The following RNFT1 variants were observed in gnomAD, a reference collection of about 807,000 sequenced individuals.
The protein encoded by RNFT1 is ring finger protein, transmembrane 1, also known as E3 ubiquitin-protein ligase RNFT1.
A neutral mutation model predicts 53.2 loss-of-function variants in RNFT1; 35 were observed. The observed-to-expected ratio is 0.66, with a 90% confidence interval of 0.50 to 0.87. The LOEUF is 0.87. Ranked by LOEUF, RNFT1 falls within the 40% of genes least tolerant of loss-of-function variation. The pLI, the probability that RNFT1 is intolerant of heterozygous loss-of-function variation, is 0.00. For synonymous variants in RNFT1, 141 were observed against 172.8 expected (o/e 0.82, Z 1.44); for missense variants, 421 against 515.0 (o/e 0.82, Z 1.77).
chr17:59,963,102 T>C lies in RNFT1; in HGVS notation c.239A>G (p.His80Arg). 1 of 1,614,238 alleles carries C rather than the reference T, an allele frequency of 6.2e-7. No individual in the cohort carries two copies. The change falls in exon 2 of 9, where the codon CAT becomes CGT. Residue 80 changes from histidine (H) to arginine (R), a missense_variant. Coordinates refer to ENST00000305783, the MANE Select transcript of RNFT1 (RefSeq NM_016125.4). ...EGSCPHSGDVHIQINSIPKEC... is the reference protein window; with the variant it reads ...EGSCPHSGDVRIQINSIPKEC... ...TTTAGGTATGGAGTTTATCTGGATA[T>C]GAACATCTCCAGAATGAGGGCAAGA...
chr17:59,956,573 A>C lies in RNFT1; in HGVS notation c.1006-20T>G. The C allele has an allele frequency of 1.3e-6, 2 of 1,596,326 alleles. No homozygotes were observed. The highest frequency in any genetic ancestry group is 1.7e-6 in the Non-Finnish European group (2 of 1,165,560). ...CAAAAGCTGAAAAGAGAAATAAGAG[A>C]TCATTTATTAATTCAAACAGTCCTA... is the stretch of plus-strand genomic sequence containing the variant. On this transcript the variant is annotated intron_variant, in intron 6 of 8. Transcript: ENST00000305783.
In RNFT1 at chr17:59,963,070, C is replaced by T. The variant is rs1367692163; in HGVS notation, c.271G>A (p.Ala91Thr). 6 of 1,614,086 alleles carry T rather than the reference C, an allele frequency of 3.7e-6. No homozygotes were observed. The Admixed American group carries it at 5.0e-5, about 13-fold the overall frequency. ...IQINSIPKEC[A>T]ENASSRNIRS... is the part of the protein sequence containing the mutation. Reference sequence around the variant, plus strand: ...ATATTTCTGGAGCTTGCATTTTCTGCACATTCTTTAGGTATGGAGTTTATC... The same window carrying T: ...ATATTTCTGGAGCTTGCATTTTCTGTACATTCTTTAGGTATGGAGTTTATC... The change falls in exon 2 of 9, where the codon GCA becomes ACA. Residue 91 changes from alanine to threonine, a missense_variant. Coordinates refer to ENST00000305783, the MANE Select transcript of RNFT1 (RefSeq NM_016125.4).
Position 59,954,223 on chromosome 17 carries a change from C to G in RNFT1, c.1072-77G>C, listed in dbSNP as rs1055097012. On this transcript the variant is annotated intron_variant, in intron 7 of 8. Coordinates refer to ENST00000305783, the MANE Select transcript of RNFT1 (RefSeq NM_016125.4). ...CTCAAATTACATAAGTAATGCTGTA[C>G]TTCTCAAATCTCCCTGGAACCAGGC... is the stretch of plus-strand genomic sequence containing the variant. 5.3e-6 allele frequency: 5 copies of G among 947,408 alleles called. No homozygotes were observed. In the African/African-American group the frequency reaches 8.6e-5, roughly 16 times the overall value. The allele number at this position is 947,408 out of a possible 1,614,324, so 58.7% of individuals were successfully genotyped here.
rs1047068665 is a variant in RNFT1 at position 59,956,372 on chromosome 17, TAAAAG to T, written c.1071+111_1071+115del. 10 of 696,620 alleles carry T rather than the reference TAAAAG, an allele frequency of 1.4e-5. No homozygotes were observed. The Admixed American group carries it at 3.0e-4, about 21-fold the overall frequency. 43.2% of individuals were successfully genotyped at this position (696,620 alleles called of 1,614,324 possible). On this transcript the variant is annotated intron_variant, in intron 7 of 8. Coordinates refer to ENST00000305783, the MANE Select transcript of RNFT1 (RefSeq NM_016125.4). ...CCAAAGTACTAGAAAATAATCAAAGTAAAAGAAAAGGATCATCTATTTATGAAATC... is the reference window on the plus strand; with the variant it reads ...CCAAAGTACTAGAAAATAATCAAAGTAAAAGGATCATCTATTTATGAAATC...
Position 59,964,688 on chromosome 17 carries a change from G to A in RNFT1, c.-25C>T, listed in dbSNP as rs1379527209. On this transcript the variant is annotated 5_prime_UTR_variant, in exon 1 of 9. Coordinates refer to ENST00000305783, the MANE Select transcript of RNFT1 (RefSeq NM_016125.4). ...TACACCGCCTCCAGCCCTTCAGTCG[G>A]GGCCATCAACCGCAAACCCCGCAAG... The A allele has an allele frequency of 1.2e-5, 19 of 1,589,580 alleles. No homozygotes were observed. The highest frequency in any genetic ancestry group is 1.6e-5 in the Non-Finnish European group (19 of 1,168,154).
At chr17:59,956,675 A>G (rs553025695) in intron 6 of RNFT1, 122 bp from the exon 7 acceptor site, 5 of 662,040 alleles carry the variant, frequency 7.6e-6, no homozygotes, top group Non-Finnish European at 1.3e-5. Context: ...ATTATATGTC[A>G]CATCTAATCA....
rs1356889556 is a variant in RNFT1 at position 59,957,239 on chromosome 17, G to A, written c.990C>T (p.Leu330=). The change falls in exon 6 of 9, where the codon CTC becomes CTT. Residue 330 remains leucine, a synonymous_variant. Coordinates refer to ENST00000305783, the MANE Select transcript of RNFT1 (RefSeq NM_016125.4). ...RWSLGILLAL[L]YLILKLLEFF... is the part of the protein sequence containing the mutation. ...TGTTACCTACTTTTAATATGAGGTAGAGTAAAGCCAGCAGTATCCCAAGAC... is the reference window on the plus strand; with the variant it reads ...TGTTACCTACTTTTAATATGAGGTAAAGTAAAGCCAGCAGTATCCCAAGAC... 6.2e-7 allele frequency: 1 copy of A among 1,612,938 alleles called. No individual in the cohort carries two copies. The highest frequency in any genetic ancestry group is 1.3e-5 in the African/African-American group (1 of 74,864).
chr17:59,954,159 T>C lies in RNFT1; in HGVS notation c.1072-13A>G. 1 of 1,521,154 alleles carries C rather than the reference T, an allele frequency of 6.6e-7. No individual in the cohort carries two copies. The allele number at this position is 1,521,154 out of a possible 1,614,324, so 94.2% of individuals were successfully genotyped here. ...CCACTCCATAACTCTATGAAGATAGTAAGTTCTGTTCATCTACAAATTTCT... is the reference window on the plus strand; with the variant it reads ...CCACTCCATAACTCTATGAAGATAGCAAGTTCTGTTCATCTACAAATTTCT... On this transcript the variant is annotated splice_polypyrimidine_tract_variant and intron_variant, in intron 7 of 8. Coordinates refer to ENST00000305783, the MANE Select transcript of RNFT1 (RefSeq NM_016125.4).
At chr17:59,958,560 G>A (rs1221210882) in intron 4 of RNFT1, 116 bp from the exon 5 acceptor site, 1 of 881,398 alleles carries the variant, frequency 1.1e-6, no homozygotes, top group Non-Finnish European at 1.8e-6. Context: ...TATGAGTTTG[G>A]CAGGATGTCA....
Position 59,956,343 on chromosome 17 carries a change from AG to A in RNFT1, c.1071+144del. 3 of 629,122 alleles carry A rather than the reference AG, an allele frequency of 4.8e-6. No homozygotes were observed. In the South Asian group the frequency reaches 5.6e-5, roughly 12 times the overall value. The allele number at this position is 629,122 out of a possible 1,614,324, so 39.0% of individuals were successfully genotyped here. On this transcript the variant is annotated intron_variant, in intron 7 of 8. Coordinates refer to ENST00000305783, the MANE Select transcript of RNFT1 (RefSeq NM_016125.4). ...AAACTCCTAAATTATTATAGCCCCA[AG>A]TGCCAAAGTACTAGAAAATAATCAA...
In RNFT1 at chr17:59,964,727, CCGGCGGCAA is replaced by C. The variant is rs1051654704; in HGVS notation, c.-73_-65del. The stretch of plus-strand genomic sequence containing the variant: ...AAACCCCGCAAGCTCTTCTCTCAGC[CCGGCGGCAA>C]CGGCGGCGGCGCGCGCGCTCCCCGG... On this transcript the variant is annotated 5_prime_UTR_variant, in exon 1 of 9. Transcript: ENST00000305783. 8 of 1,489,476 alleles carry C rather than the reference CCGGCGGCAA, an allele frequency of 5.4e-6. No homozygotes were observed. In the Admixed American group the frequency reaches 6.9e-5, roughly 13 times the overall value. 92.3% of individuals were successfully genotyped at this position (1,489,476 alleles called of 1,614,324 possible). A position where few individuals can be genotyped will look rare whatever the true frequency, so the allele number is the denominator to read the frequency against.
At chr17:59,954,812 A>C (rs1019420284) in intron 7 of RNFT1, among the ~76,000 whole-genome samples, 1 of 152,208 alleles carries the variant, frequency 6.6e-6, no homozygotes, top group African/African-American at 2.4e-5. Flanking sequence ...TGCAACTGTA[A>C]ATGTCGCTTT....
intron 8 of RNFT1, 48 bp downstream of exon 8, chr17:59,953,997 C>A (rs757980471): frequency 1.0e-5 from 12 of 1,174,612 alleles, no homozygotes; most frequent in South Asian, 4.5e-5. Flanking sequence ...TTTTGCAAGT[C>A]ACAGAGAACT....
chr17:59,964,119 CAGA>C (rs1449356928), intron 1 of RNFT1, among the ~76,000 whole-genome samples: 1 of 152,146 alleles, frequency 6.6e-6, no homozygotes, highest in Admixed American at 6.5e-5. Flanking sequence ...CTCCTAGAAA[CAGA>C]AGAACAGAGT....
chr17:59,957,287 C>T lies in RNFT1; in HGVS notation c.942G>A (p.Glu314=). The change falls in exon 6 of 9, where the codon GAG becomes GAA. Residue 314 remains glutamate (E), a synonymous_variant. Transcript: ENST00000305783. ...VWFRYLISYG[E]FGNVTRWSLG... ...GACTCCATCTAGTTACGTTACCAAA[C>T]TCCCCATAGCTTATAAGGTAGCGAA... The T allele has an allele frequency of 1.2e-6, 2 of 1,613,852 alleles. No homozygotes were observed. The highest frequency in any genetic ancestry group is 4.5e-5 in the East Asian group (2 of 44,850).
intron 6 of RNFT1, among the ~76,000 whole-genome samples, chr17:59,956,999 G>A (rs142118872): frequency 4.0e-4 from 61 of 152,308 alleles, no homozygotes; most frequent in African/African-American, 1.3e-3. Flanking sequence ...GATAATCCAC[G>A]CTATGTGAAG....
chr17:59,961,758 GTAGACA>G (rs1213469147), intron 3 of RNFT1, among the ~76,000 whole-genome samples: 1 of 151,502 alleles, frequency 6.6e-6, no homozygotes, highest in African/African-American at 2.4e-5. Flanking sequence ...TGTGTTTTTA[GTAGACA>G]TGGGGTTTCA....
At chr17:59,959,944 A>G in intron 4 of RNFT1, 124 bp downstream of exon 4, 1 of 938,548 alleles carries the variant, frequency 1.1e-6, no homozygotes, top group Non-Finnish European at 1.5e-6. Context: ...CTCGCTTATG[A>G]AAGGAGAAAG....
intron 5 of RNFT1, among the ~76,000 whole-genome samples, 178 bp downstream of exon 5, chr17:59,958,113 A>G (rs1328285834): frequency 6.6e-6 from 1 of 152,232 alleles, no homozygotes; most frequent in Non-Finnish European, 1.5e-5. Flanking sequence ...TTATCCAAAT[A>G]GGTTAATAAT....
Sources: allele counts gnomAD v4.1 joint callset (sites outside exome capture counted in the v4.1 genomes callset), GRCh38; gene constraint gnomAD v4.1.1; transcripts MANE v1.5; gene names NCBI Gene and HGNC (gene_info 2026-07-23, HGNC 2026-07-21).